FGD5: variants seen among roughly 807,000 people sequenced by gnomAD.
FGD5 encodes the protein FYVE, RhoGEF and PH domain containing 5.
A neutral mutation model predicts 133.4 loss-of-function variants in FGD5; 28 were observed. That is an observed-to-expected ratio of 0.21 (90% CI 0.16 to 0.29). The LOEUF is 0.29. Ranked by LOEUF, FGD5 falls within the 10% of genes least tolerant of loss-of-function variation. FGD5 has a pLI of 1.00. For synonymous variants in FGD5, 810 were observed against 776.5 expected (o/e 1.04, Z -0.72); for missense variants, 1,858 against 1,895.2 (o/e 0.98, Z 0.36).
intron 4 of FGD5, among the ~76,000 whole-genome samples, chr3:14,892,469 G>A (rs1039771685): frequency 6.6e-6 from 1 of 152,142 alleles, no homozygotes; most frequent in African/African-American, 2.4e-5. Flanking sequence ...AAGGTGCTGG[G>A]ATTACAGATG....
chr3:14,882,218 C>T (rs1320734704), intron 4 of FGD5: 3 of 824,288 alleles, frequency 3.6e-6, no homozygotes, highest in African/African-American at 1.9e-5. Flanking sequence ...ACTTCTCTCT[C>T]CCTTATTTCT....
intron 1 of FGD5, among the ~76,000 whole-genome samples, chr3:14,846,447 CA>C (rs1056284731): frequency 6.6e-6 from 1 of 152,198 alleles, no homozygotes; most frequent in African/African-American, 2.4e-5. Flanking sequence ...TGCCAGCTAG[CA>C]CTGCAGCCAA....
chr3:14,891,363 T>C (rs990817208), intron 4 of FGD5, among the ~76,000 whole-genome samples: 11 of 152,300 alleles, frequency 7.2e-5, no homozygotes, highest in South Asian at 2.1e-4. Flanking sequence ...TCCTGTGCCC[T>C]CTAAAACATG....
rs1484579980 is a variant in FGD5, at chr3:14,911,038, A to C, written c.3405+109A>C. ...ATAGGGTGAGAGGAGAGTAGAACAG[A>C]GCAGACATTTGGGGGTGAGGATCAT... On this transcript the variant is annotated intron_variant, in intron 11 of 19. Coordinates refer to ENST00000285046, the MANE Select transcript of FGD5 (RefSeq NM_152536.4). 2.8e-6 allele frequency: 3 copies of C among 1,075,550 alleles called. No homozygotes were observed. In the African/African-American group the frequency reaches 4.7e-5, roughly 17 times the overall value. The allele number at this position is 1,075,550 out of a possible 1,614,324, so 66.6% of individuals were successfully genotyped here. A position where few individuals can be genotyped will look rare whatever the true frequency, so the allele number is the denominator to read the frequency against.
chr3:14,887,424 T>C (rs891950418), intron 4 of FGD5, among the ~76,000 whole-genome samples: 2 of 151,890 alleles, frequency 1.3e-5, no homozygotes, highest in African/African-American at 4.8e-5. Context: ...ATGCCTGTAG[T>C]CTTAGCTACT....
At chr3:14,836,287 C>G (rs1035155124) in intron 1 of FGD5, among the ~76,000 whole-genome samples, 1 of 152,238 alleles carries the variant, frequency 6.6e-6, no homozygotes, top group African/African-American at 2.4e-5. Flanking sequence ...GTAGATGCTG[C>G]ATCTGGTTTC....
intron 11 of FGD5, among the ~76,000 whole-genome samples, chr3:14,915,375 T>TCCATCCTTAC (rs1342501154): frequency 6.6e-6 from 1 of 152,242 alleles, no homozygotes; most frequent in East Asian, 1.9e-4. Context: ...AGTGTCTTGT[T>TCCATCCTTAC]CCATCCTTAC....
chr3:14,843,178 C>T (rs966991203), intron 1 of FGD5, among the ~76,000 whole-genome samples: 3 of 152,046 alleles, frequency 2.0e-5, no homozygotes, highest in African/African-American at 7.3e-5. Context: ...TAGGCTGTGG[C>T]TCTCGATGAA....
At chr3:14,822,854 T>G (rs2036529860) in intron 1 of FGD5, among the ~76,000 whole-genome samples, 1 of 152,220 alleles carries the variant, frequency 6.6e-6, no homozygotes, top group Non-Finnish European at 1.5e-5. Context: ...CAGTCTTGAC[T>G]AGATAAGGAT....
intron 11 of FGD5, among the ~76,000 whole-genome samples, chr3:14,914,058 G>A (rs978758919): frequency 3.3e-5 from 5 of 152,146 alleles, no homozygotes; most frequent in African/African-American, 1.2e-4. Context: ...TCTGAAGCTG[G>A]GTCCTCTTCT....
intron 9 of FGD5, among the ~76,000 whole-genome samples, chr3:14,902,175 G>A (rs1264232317): frequency 1.3e-5 from 2 of 151,974 alleles, no homozygotes; most frequent in Non-Finnish European, 2.9e-5. Flanking sequence ...CCAGCTATTT[G>A]GGAGGCTGAG....
rs73815972 is a variant in FGD5, at chr3:14,866,469, A to T, written c.2658+2209A>T. Among the ~76,000 whole-genome samples the T allele has an allele frequency of 7.1e-3, 1,077 of 152,128 alleles. 19 individuals are homozygous for T. The highest frequency in any genetic ancestry group is 0.025 in the African/African-American group (1,030 of 41,496). ...CGGCCACTGCTTGGACACTCCCAGG[A>T]CTAAGGAGCTAGCAAGAGGTAGAGC... On this transcript the variant is annotated intron_variant, in intron 2 of 19. Coordinates refer to ENST00000285046, the MANE Select transcript of FGD5 (RefSeq NM_152536.4).
chr3:14,901,886 GTAAC>G (rs933838845), intron 9 of FGD5, among the ~76,000 whole-genome samples: 1 of 152,210 alleles, frequency 6.6e-6, no homozygotes, highest in African/African-American at 2.4e-5. Flanking sequence ...GCTTAGTGGA[GTAAC>G]TAAATATGTG....
chr3:14,864,922 C>T (rs944091394), intron 2 of FGD5, among the ~76,000 whole-genome samples: 1 of 152,212 alleles, frequency 6.6e-6, no homozygotes, highest in Admixed American at 6.5e-5. Flanking sequence ...CCATACACCC[C>T]TTCTCAGAGT....
intron 9 of FGD5, 39 bp from the exon 10 acceptor site, chr3:14,907,601 G>A (rs1559501544): frequency 6.3e-7 from 1 of 1,593,766 alleles, no homozygotes; most frequent in Non-Finnish European, 8.6e-7. Context: ...CCTGGTAGGG[G>A]CCCTGACCAT....
At chr3:14,823,433 A>T (rs2036543222) in intron 1 of FGD5, among the ~76,000 whole-genome samples, 1 of 152,014 alleles carries the variant, frequency 6.6e-6, no homozygotes, top group Non-Finnish European at 1.5e-5. Flanking sequence ...TCCCCTACTC[A>T]TGGTTCTTCT....
rs545920135 is a variant in FGD5 at position 14,934,101 on chromosome 3, T to C, written c.*934T>C. On this transcript the variant is annotated 3_prime_UTR_variant, in exon 20 of 20. Coordinates refer to ENST00000285046, the MANE Select transcript of FGD5 (RefSeq NM_152536.4). ...ATCTATCCTTCTTTTAGACACACGGTAATCCTTGGGCTGTATTACTGAAGG... is the reference window on the plus strand; with the variant it reads ...ATCTATCCTTCTTTTAGACACACGGCAATCCTTGGGCTGTATTACTGAAGG... 6.6e-6 allele frequency: 1 copy of C among 152,370 alleles called. No homozygotes were observed. Among genetic ancestry groups the C allele is most frequent in the South Asian group, 2.1e-4 (1 of 4,832 alleles). 9.4% of individuals were successfully genotyped at this position (152,370 alleles called of 1,614,324 possible). A position where few individuals can be genotyped will look rare whatever the true frequency, so the allele number is the denominator to read the frequency against.
At chr3:14,891,103 G>T (rs914098929) in intron 4 of FGD5, among the ~76,000 whole-genome samples, 21 of 152,206 alleles carry the variant, frequency 1.4e-4, no homozygotes, top group Admixed American at 6.5e-4. Flanking sequence ...CAGTATACAG[G>T]GCTGTTTTTC....
At chr3:14,831,492 C>T (rs1464061024) in intron 1 of FGD5, among the ~76,000 whole-genome samples, 1 of 152,128 alleles carries the variant, frequency 6.6e-6, no homozygotes, top group Non-Finnish European at 1.5e-5. Context: ...AGGCTGCTCT[C>T]CCACCCATGA....
Sources: allele counts gnomAD v4.1 joint callset (sites outside exome capture counted in the v4.1 genomes callset), GRCh38; gene constraint gnomAD v4.1.1; transcripts MANE v1.5; gene names NCBI Gene and HGNC (gene_info 2026-07-23, HGNC 2026-07-21).